Variants in HEMK2 observed in about 807,000 individuals in gnomAD.
The protein encoded by HEMK2 is methyltransferase HEMK2.
At chr21:28,816,899 G>T in the HEMK2 span, among the ~76,000 whole-genome samples, 1 of 152,184 alleles carries the variant, frequency 6.6e-6, no homozygotes, top group African/African-American at 2.4e-5. Context: ...GACATGAGAT[G>T]ATAACTTAGA....
chr21:28,812,179 C>A, the HEMK2 span, among the ~76,000 whole-genome samples: 1 of 152,176 alleles, frequency 6.6e-6, no homozygotes, highest in Admixed American at 6.5e-5. Flanking sequence ...ATTTGAATAT[C>A]TGATGCTATT....
At chr21:28,856,727 ATGAG>A in the HEMK2 span, among the ~76,000 whole-genome samples, 2 of 152,194 alleles carry the variant, frequency 1.3e-5, no homozygotes, top group African/African-American at 4.8e-5. Flanking sequence ...AAGGGATACA[ATGAG>A]TGATTGTGCA....
At chr21:28,626,626 C>T in the HEMK2 span, 2 of 152,166 alleles carry the variant, frequency 1.3e-5, no homozygotes, top group Non-Finnish European at 1.5e-5. Context: ...GAGAGGATCG[C>T]TTAAGACCAG....
At chr21:28,847,079 T>G in the HEMK2 span, among the ~76,000 whole-genome samples, 2 of 152,200 alleles carry the variant, frequency 1.3e-5, no homozygotes, top group African/African-American at 4.8e-5. Flanking sequence ...CTATTGTGAA[T>G]AATGCTGTGA....
chr21:28,623,559 C>T, the HEMK2 span, among the ~76,000 whole-genome samples: 2 of 152,146 alleles, frequency 1.3e-5, no homozygotes, highest in African/African-American at 4.8e-5. Flanking sequence ...GCACTGTTCA[C>T]AATAGCAAAG....
chr21:28,840,818 T>G, the HEMK2 span, among the ~76,000 whole-genome samples: 1 of 150,462 alleles, frequency 6.6e-6, no homozygotes. Flanking sequence ...AAAGTAGAAA[T>G]ACCATTTGAT....
At chr21:28,870,407 C>CT in the HEMK2 span, among the ~76,000 whole-genome samples, 26,957 of 149,704 alleles carry the variant, frequency 0.18, 2,452 homozygotes, top group South Asian at 0.23. Context: ...AATGTCATTT[C>CT]TTTTTTTTTT....
chr21:28,799,837 G>A, the HEMK2 span, among the ~76,000 whole-genome samples: 5 of 152,032 alleles, frequency 3.3e-5, no homozygotes, highest in Non-Finnish European at 5.9e-5. Flanking sequence ...CCATATTTTT[G>A]ATCAGGTAAA....
chr21:28,719,548 T>C, the HEMK2 span, among the ~76,000 whole-genome samples: 3 of 152,210 alleles, frequency 2.0e-5, no homozygotes, highest in Non-Finnish European at 4.4e-5. Context: ...TGTGAGTCCA[T>C]TGAACCTCTT....
chr21:28,636,082 C>A, the HEMK2 span, among the ~76,000 whole-genome samples: 1 of 152,186 alleles, frequency 6.6e-6, no homozygotes, highest in Non-Finnish European at 1.5e-5. Context: ...CACTTGCCTA[C>A]AGTGGTTGTA....
At chr21:28,788,237 C>T in the HEMK2 span, among the ~76,000 whole-genome samples, 46 of 146,918 alleles carry the variant, frequency 3.1e-4, no homozygotes, top group Admixed American at 6.8e-4. Context: ...CACGTATATA[C>T]GTATATATGT....
the HEMK2 span, among the ~76,000 whole-genome samples, chr21:28,679,158 T>A: frequency 3.9e-5 from 6 of 152,060 alleles, no homozygotes; most frequent in Admixed American, 6.6e-5. Context: ...CCATCTCACA[T>A]GCAGAGACAC....
At chr21:28,646,045 A>G in the HEMK2 span, among the ~76,000 whole-genome samples, 1 of 152,226 alleles carries the variant, frequency 6.6e-6, no homozygotes, top group Non-Finnish European at 1.5e-5. Context: ...GTTAAAGCTG[A>G]GAATCATGAA....
chr21:28,631,398 C>G, the HEMK2 span, among the ~76,000 whole-genome samples: 1 of 152,176 alleles, frequency 6.6e-6, no homozygotes, highest in Non-Finnish European at 1.5e-5. Context: ...GGATTCTCTA[C>G]TTCAATAATT....
the HEMK2 span, among the ~76,000 whole-genome samples, chr21:28,609,106 C>A: frequency 6.6e-6 from 1 of 152,152 alleles, no homozygotes. Context: ...CCAACCAGCA[C>A]ACGTAACAAA....
At chr21:28,703,433 A>T in the HEMK2 span, among the ~76,000 whole-genome samples, 50,522 of 151,950 alleles carry the variant, frequency 0.33, 9,642 homozygotes, top group African/African-American at 0.51. Flanking sequence ...GGCCAGGGAG[A>T]GAATAAAGCC....
the HEMK2 span, among the ~76,000 whole-genome samples, chr21:28,635,474 A>C: frequency 4.6e-5 from 7 of 152,168 alleles, no homozygotes; most frequent in African/African-American, 1.7e-4. Flanking sequence ...CACAAGGATT[A>C]AGTGTACAAT....
chr21:28,729,397 CACAT>C, the HEMK2 span, among the ~76,000 whole-genome samples: 1 of 152,086 alleles, frequency 6.6e-6, no homozygotes, highest in Non-Finnish European at 1.5e-5. Flanking sequence ...GACCTCAAAG[CACAT>C]AAGCCTCTGC....
the HEMK2 span, among the ~76,000 whole-genome samples, chr21:28,855,255 G>A: frequency 6.6e-6 from 1 of 152,044 alleles, no homozygotes; most frequent in Non-Finnish European, 1.5e-5. Flanking sequence ...ACATTCGAAA[G>A]AGACAAAGGA....
Sources: gnomAD v4.1 joint callset for allele counts (sites outside exome capture counted in the v4.1 genomes callset) on GRCh38, gnomAD v4.1.1 for gene constraint, MANE v1.5 for transcripts, NCBI Gene and HGNC (gene_info 2026-07-23, HGNC 2026-07-21) for gene names.